GDAP1: variants seen among roughly 807,000 people sequenced by gnomAD.
GDAP1 encodes ganglioside induced differentiation associated protein 1, also known as ganglioside-induced differentiation-associated protein 1.
GDAP1 carries 34 observed loss-of-function variants against 40.1 expected under a neutral mutation model. That is an observed-to-expected ratio of 0.85 (90% CI 0.64 to 1.13). The LOEUF is 1.13. GDAP1 is among the 50% of genes most tolerant of loss of function. The pLI is 0.00. For synonymous variants in GDAP1, 170 were observed against 157.4 expected (o/e 1.08, Z -0.60); for missense variants, 374 against 433.7 (o/e 0.86, Z 1.22).
intron 2 of GDAP1, among the ~76,000 whole-genome samples, chr8:74,469,529 G>A (rs922924531): frequency 6.6e-6 from 1 of 151,792 alleles, no homozygotes; most frequent in Non-Finnish European, 1.5e-5. Flanking sequence ...TTAGCCGGGC[G>A]CGGTGGCGGG....
In GDAP1 at chr8:74,462,153, G is replaced by A. The variant is rs184806096; in HGVS notation, c.166-26525G>A. Among the ~76,000 whole-genome samples the A allele has an allele frequency of 3.3e-3, 495 of 152,250 alleles. 1 individual carries two copies. Among genetic ancestry groups the A allele is most frequent in the African/African-American group, 0.011 (469 of 41,552 alleles). On this transcript the variant is annotated intron_variant, in intron 2 of 2. Coordinates refer to the GDAP1 transcript ENST00000523640. ...AAAGATTTAAAAGAGTTAAGAATAT[G>A]GCTAGGTGATTTTAACTATATATAG...
intron 2 of GDAP1, among the ~76,000 whole-genome samples, chr8:74,408,462 G>A (rs1805668426): frequency 1.3e-5 from 2 of 149,842 alleles, no homozygotes; most frequent in African/African-American, 2.5e-5. Context: ...CTCATGAATG[G>A]GATTAGCGTC....
chr8:74,383,059 T>C (rs926895993), intron 2 of GDAP1, among the ~76,000 whole-genome samples: 2 of 152,226 alleles, frequency 1.3e-5, no homozygotes, highest in African/African-American at 4.8e-5. Flanking sequence ...ACACATTTTA[T>C]AGACCTGGAT....
chr8:74,463,989 A>G (rs1179044367), intron 2 of GDAP1, among the ~76,000 whole-genome samples: 1 of 152,218 alleles, frequency 6.6e-6, no homozygotes, highest in Non-Finnish European at 1.5e-5. Context: ...GAGAAATGCT[A>G]TGAAACAACT....
chr8:74,445,338 T>TCC (rs1806214153), intron 2 of GDAP1, among the ~76,000 whole-genome samples: 1 of 152,192 alleles, frequency 6.6e-6, no homozygotes, highest in African/African-American at 2.4e-5. Context: ...CATAAATAAA[T>TCC]TTAGATAAGG....
chr8:74,421,907 C>T (rs755208432), intron 2 of GDAP1, among the ~76,000 whole-genome samples: 2 of 152,092 alleles, frequency 1.3e-5, no homozygotes, highest in Non-Finnish European at 2.9e-5. Flanking sequence ...CATTAGATCA[C>T]AGCATTTTTG....
chr8:74,433,267 C>T (rs1806049507), intron 2 of GDAP1, among the ~76,000 whole-genome samples: 1 of 152,098 alleles, frequency 6.6e-6, no homozygotes, highest in Non-Finnish European at 1.5e-5. Flanking sequence ...ATTAAATTGC[C>T]GTATTTACTG....
intron 2 of GDAP1, among the ~76,000 whole-genome samples, chr8:74,475,627 A>G (rs1806619529): frequency 2.0e-5 from 3 of 152,038 alleles, no homozygotes; most frequent in South Asian, 4.1e-4. Context: ...TGTTATTTTT[A>G]TTGCCCTGTG....
At chr8:74,368,519 G>A (rs1242513061), downstream of GDAP1, among the ~76,000 whole-genome samples, 1 of 152,128 alleles carries the variant, frequency 6.6e-6, no homozygotes, top group African/African-American at 2.4e-5. Context: ...AATTCTTATT[G>A]CTCTGCTCAT....
chr8:74,422,279 T>TTTTTC (rs1333844594), intron 2 of GDAP1, among the ~76,000 whole-genome samples: 2 of 145,162 alleles, frequency 1.4e-5, no homozygotes, highest in Non-Finnish European at 3.0e-5. Context: ...TTTCTTTTCT[T>TTTTTC]TTTTCTTTTC....
At chr8:74,445,525 A>G (rs1806216905) in intron 2 of GDAP1, among the ~76,000 whole-genome samples, 1 of 152,184 alleles carries the variant, frequency 6.6e-6, no homozygotes, top group Admixed American at 6.5e-5. Flanking sequence ...GTATTGTGAT[A>G]CCCAAAGACA....
chr8:74,469,599 G>C (rs1341368499), intron 2 of GDAP1, among the ~76,000 whole-genome samples: 1 of 151,138 alleles, frequency 6.6e-6, no homozygotes, highest in Non-Finnish European at 1.5e-5. Context: ...ACCCCGGGGA[G>C]CGGAGCTTGC....
intron 2 of GDAP1, among the ~76,000 whole-genome samples, chr8:74,412,536 A>C (rs1380690157): frequency 6.7e-6 from 1 of 150,214 alleles, no homozygotes; most frequent in Non-Finnish European, 1.5e-5. Context: ...ATTACAGTTA[A>C]ACTGCCAGCA....
chr8:74,410,645 C>T (rs1199469303), intron 2 of GDAP1, among the ~76,000 whole-genome samples: 1 of 149,842 alleles, frequency 6.7e-6, no homozygotes, highest in Non-Finnish European at 1.5e-5. Context: ...CCAAGGAGTC[C>T]ACTGACATCA....
intron 2 of GDAP1, among the ~76,000 whole-genome samples, chr8:74,420,081 C>T (rs753996874): frequency 1.2e-4 from 19 of 152,264 alleles, no homozygotes; most frequent in Non-Finnish European, 2.1e-4. Flanking sequence ...TTTTGAGATT[C>T]GGAAATATGA....
chr8:74,395,800 G>A (rs997933281), intron 2 of GDAP1, among the ~76,000 whole-genome samples: 4 of 152,028 alleles, frequency 2.6e-5, no homozygotes, highest in African/African-American at 9.7e-5. Context: ...AGAATCCCAC[G>A]GCTACTCACA....
At chr8:74,454,847 T>C (rs1427116784) in intron 2 of GDAP1, among the ~76,000 whole-genome samples, 1 of 152,028 alleles carries the variant, frequency 6.6e-6, no homozygotes, top group African/African-American at 2.4e-5. Flanking sequence ...TAAAAGAAGC[T>C]GGGATAGACA....
At chr8:74,370,649 C>T (rs187624260), downstream of GDAP1, among the ~76,000 whole-genome samples, 4 of 152,272 alleles carry the variant, frequency 2.6e-5, no homozygotes, top group Admixed American at 6.5e-5. Context: ...GCAATAATTG[C>T]ATGATATGTA....
chr8:74,476,153 C>T (rs2128721126), intron 2 of GDAP1, among the ~76,000 whole-genome samples: 1 of 152,162 alleles, frequency 6.6e-6, no homozygotes, highest in East Asian at 1.9e-4. Flanking sequence ...TTTCTCCATC[C>T]CTTTATTTTG....
Sources: gnomAD v4.1 joint callset for allele counts (sites outside exome capture counted in the v4.1 genomes callset) on GRCh38, gnomAD v4.1.1 for gene constraint, MANE v1.5 for transcripts, NCBI Gene and HGNC (gene_info 2026-07-23, HGNC 2026-07-21) for gene names.